The following C1orf167 variants were observed in gnomAD, a reference collection of about 807,000 sequenced individuals.
C1orf167 encodes uncharacterized protein C1orf167.
In C1orf167, 153 loss-of-function variants were observed where a neutral mutation model predicts 176.5. The observed-to-expected ratio is 0.87, with a 90% CI of 0.76 to 0.99. The LOEUF (loss-of-function observed/expected upper bound fraction) is 0.99, where lower values mean the gene tolerates loss of function less well. Ranked by LOEUF, C1orf167 falls within the 50% of genes least tolerant of loss-of-function variation. The pLI, the probability that C1orf167 is intolerant of heterozygous loss-of-function variation, is 0.00. For missense variants in C1orf167, 1,490 were observed against 1,817.7 expected (o/e 0.82, Z 3.28); for synonymous variants, 594 against 752.7 (o/e 0.79, Z 3.45).
chr1:11,766,864 T>C lies in C1orf167; in HGVS notation c.1078T>C (p.Trp360Arg). Reference protein sequence around the residue: ...PLGSGDSCSPWSQDGRAQRGD... With the variant: ...PLGSGDSCSPRSQDGRAQRGD... ...AGGGTCAGGGGACAGCTGCTCCCCC[T>C]GGTCTCAAGATGGCAGGGCACAGAG... The change falls in exon 3 of 21, where the codon TGG becomes CGG. Residue 360 changes from tryptophan to arginine, a missense_variant. By Grantham distance (101) the Trp-to-Arg change is moderately radical. Transcript: ENST00000688073. This position sits in a 1 kb window ranked among gnomAD's most constrained non-coding sequence, Gnocchi z 4.5. 1 of 1,277,216 alleles carries C rather than the reference T, an allele frequency of 7.8e-7. No individual in the cohort carries two copies. Among genetic ancestry groups the C allele is most frequent in the Non-Finnish European group, 1.0e-6 (1 of 981,402 alleles). 79.1% of individuals were successfully genotyped at this position (1,277,216 alleles called of 1,614,324 possible). A position where few individuals can be genotyped will look rare whatever the true frequency, so the allele number is the denominator to read the frequency against.
At chr1:11,789,142 GC>G (rs1309027433) in intron 20 of C1orf167, 127 bp from the exon 21 acceptor site, 1 of 918,610 alleles carries the variant, frequency 1.1e-6, no homozygotes, top group Admixed American at 3.6e-5. Flanking sequence ...AGACTGGCTG[GC>G]TGCTTGGGGC....
rs906088385 is a variant in C1orf167 at position 11,785,216 on chromosome 1, G to A, written c.3494G>A (p.Arg1165Gln). Residue 1165 changes from arginine to glutamine, a missense_variant, in exon 16 of 21, where the codon CGG (arginine) becomes CAG (glutamine). By Grantham distance (43) the Arg-to-Gln change is conservative. Coordinates refer to ENST00000688073, the MANE Select transcript of C1orf167 (RefSeq NM_001010881.2). ...CAGCGAGCCATCCTCACCCAGCTCC[G>A]GCCGGCTGAGCTCAGGCGCTTCCTG... ...GVQRAILTQL[R>Q]PAELRRFLRT... 10 of 1,291,566 alleles carry A rather than the reference G, an allele frequency of 7.7e-6. No homozygotes were observed. Among genetic ancestry groups the A allele is most frequent in the African/African-American group, 3.0e-5 (2 of 65,872 alleles). The allele number at this position is 1,291,566 out of a possible 1,614,324, so 80.0% of individuals were successfully genotyped here. A position where few individuals can be genotyped will look rare whatever the true frequency, so the allele number is the denominator to read the frequency against.
Position 11,784,185 on chromosome 1 carries a change from C to A in C1orf167, c.3017C>A (p.Ala1006Asp). The change falls in exon 15 of 21, where the codon GCC (alanine) becomes GAC (aspartate). Residue 1006 changes from alanine (A) to aspartate (D), a missense_variant. By Grantham distance (126) the Ala-to-Asp change is moderately radical. Coordinates refer to ENST00000688073, the MANE Select transcript of C1orf167 (RefSeq NM_001010881.2). ...TGTCTGTTTTGCAGCTACTTCCAGG[C>A]CTGGTGTGAGGTTGTAAGAGACACG... is the stretch of plus-strand genomic sequence containing the variant. ...EQLLLQSYFQ[A>D]WCEVVRDTGV... 3.2e-6 allele frequency: 4 copies of A among 1,233,814 alleles called. No individual in the cohort carries two copies. The highest frequency in any genetic ancestry group is 4.2e-6 in the Non-Finnish European group (4 of 953,456). 76.4% of individuals were successfully genotyped at this position (1,233,814 alleles called of 1,614,324 possible). A position where few individuals can be genotyped will look rare whatever the true frequency, so the allele number is the denominator to read the frequency against.
At position 11,788,392 on chromosome 1, in the gene C1orf167, C is replaced by T. The variant is rs1300177113; in HGVS notation, c.4078+14C>T. 2 of 1,283,126 alleles carry T rather than the reference C, an allele frequency of 1.6e-6. No homozygotes were observed. Among genetic ancestry groups the T allele is most frequent in the East Asian group, 5.7e-5 (1 of 17,520 alleles). The allele number at this position is 1,283,126 out of a possible 1,614,324, so 79.5% of individuals were successfully genotyped here. On this transcript the variant is annotated intron_variant, in intron 19 of 20. Transcript: ENST00000688073. ...GTGCGGACCCTGGTGAGTGGGTGCA[C>T]CCCTCTCCACACTGACCATCTCCCA...
chr1:11,775,087 C>T (rs1643245946), intron 8 of C1orf167, among the ~76,000 whole-genome samples: 2 of 151,878 alleles, frequency 1.3e-5, no homozygotes, highest in Non-Finnish European at 2.9e-5. Flanking sequence ...GAGTTCAAGA[C>T]CAGCCTGGCC....
intron 13 of C1orf167, among the ~76,000 whole-genome samples, chr1:11,781,761 T>C (rs1643614753): frequency 6.6e-6 from 1 of 151,904 alleles, no homozygotes; most frequent in African/African-American, 2.4e-5. Context: ...ATACACAAAA[T>C]TAGCCAGGCG....
At chr1:11,784,641 G>A in intron 15 of C1orf167, 48 bp downstream of exon 15, 1 of 1,199,766 alleles carries the variant, frequency 8.3e-7, no homozygotes, top group Non-Finnish European at 1.1e-6. Context: ...TTCCAGCTCA[G>A]GCCTCAAGCC....
intron 12 of C1orf167, 136 bp downstream of exon 12, chr1:11,779,216 C>G: frequency 1.2e-6 from 1 of 817,458 alleles, no homozygotes; most frequent in Non-Finnish European, 1.6e-6. Flanking sequence ...CTCCTGTCTT[C>G]CTGCCCCGTC....
chr1:11,779,050 C>G lies in C1orf167; in HGVS notation c.2621C>G (p.Ala874Gly), dbSNP rs766116240. The change falls in exon 12 of 21, where the codon GCC becomes GGC. Residue 874 changes from alanine (A) to glycine (G), a missense_variant. Coordinates refer to ENST00000688073, the MANE Select transcript of C1orf167 (RefSeq NM_001010881.2). Reference sequence around the variant, plus strand: ...CGGGCCCAGCAGTTCCAGGGCACAGCCAGGTGGTACCAGCATACCCGCCAG... The same window carrying G: ...CGGGCCCAGCAGTTCCAGGGCACAGGCAGGTGGTACCAGCATACCCGCCAG... ...QARAQQFQGT[A>G]RWYQHTRQRR... The G allele has an allele frequency of 4.5e-5, 57 of 1,275,042 alleles. No homozygotes were observed. Among genetic ancestry groups the G allele is most frequent in the Non-Finnish European group, 5.5e-5 (54 of 975,362 alleles). The allele number at this position is 1,275,042 out of a possible 1,614,324, so 79.0% of individuals were successfully genotyped here.
In C1orf167 at chr1:11,778,933, G is replaced by A. The variant is rs1052719952; in HGVS notation, c.2504G>A (p.Arg835Lys). Residue 835 changes from arginine (R) to lysine (K), a missense_variant, in exon 12 of 21, where the codon AGG (arginine) becomes AAG (lysine). By Grantham distance (26) the Arg-to-Lys change is conservative. Transcript: ENST00000688073. ...CCACATCTCCTTCCCCAGGTTCCCA[G>A]GGCCCCCACCCTCCCGGACACTCTC... is the stretch of plus-strand genomic sequence containing the variant. ...TLQDSLEKVP[R>K]APTLPDTLQG... 15 of 1,303,056 alleles carry A rather than the reference G, an allele frequency of 1.2e-5. No homozygotes were observed. The highest frequency in any genetic ancestry group is 1.4e-5 in the Non-Finnish European group (14 of 988,206). The allele number at this position is 1,303,056 out of a possible 1,614,324, so 80.7% of individuals were successfully genotyped here.
At position 11,764,152 on chromosome 1, in the gene C1orf167, AG is replaced by A. The variant is rs1642671111; in HGVS notation, c.-70-173del. ...TTTGACCTGGACACTTAATATGGAA[AG>A]GGGGGTGATAAGTAGGGCAGGGAGA... On this transcript the variant is annotated intron_variant, in intron 1 of 20. Coordinates refer to ENST00000688073, the MANE Select transcript of C1orf167 (RefSeq NM_001010881.2). Among the ~76,000 whole-genome samples, 3 of 152,196 alleles carry A rather than the reference AG, an allele frequency of 2.0e-5. 1 individual carries two copies. In the Middle Eastern group the frequency reaches 0.01, roughly 518 times the overall value.
intron 13 of C1orf167, among the ~76,000 whole-genome samples, chr1:11,780,651 T>C (rs1643551247): frequency 6.6e-6 from 1 of 152,206 alleles, no homozygotes; most frequent in South Asian, 2.1e-4. Context: ...TCTTCATCCT[T>C]ATCCTCACCT....
Position 11,784,387 on chromosome 1 carries a change from T to A in C1orf167, c.3219T>A (p.Asp1073Glu). The change falls in exon 15 of 21, where the codon GAT becomes GAA. Residue 1073 changes from aspartate to glutamate, a missense_variant. Asp to Glu is a conservative substitution (Grantham distance 45). Coordinates refer to ENST00000688073, the MANE Select transcript of C1orf167 (RefSeq NM_001010881.2). ...WRSCGQQGQE[D>E]GQQKKARAPQ... ...GCTGCGGGCAGCAAGGCCAGGAAGA[T>A]GGGCAGCAGAAGAAGGCCCGGGCCC... The A allele has an allele frequency of 7.7e-7, 1 of 1,303,970 alleles. No individual in the cohort carries two copies. The highest frequency in any genetic ancestry group is 2.2e-4 in the Middle Eastern group (1 of 4,648). The allele number at this position is 1,303,970 out of a possible 1,614,324, so 80.8% of individuals were successfully genotyped here.
At chr1:11,782,062 A>T in intron 13 of C1orf167, 127 bp from the exon 14 acceptor site, 2 of 841,410 alleles carry the variant, frequency 2.4e-6, no homozygotes, top group Non-Finnish European at 3.1e-6. Flanking sequence ...AGGCTTTTTA[A>T]CCCAGACAGT....
Position 11,789,285 on chromosome 1 carries a change from CA to C in C1orf167, c.4190del (p.His1397ProfsTer58). The C allele has an allele frequency of 7.7e-7, 1 of 1,304,018 alleles. No individual in the cohort carries two copies. Among genetic ancestry groups the C allele is most frequent in the Non-Finnish European group, 1.0e-6 (1 of 988,884 alleles). The allele number at this position is 1,304,018 out of a possible 1,614,324, so 80.8% of individuals were successfully genotyped here. ...AAGRWAFKKW[H>X]QRLAARSPRR... is the part of the protein sequence containing the mutation. ...CTGGTTCCAGGCCTTTAAGAAGTGG[CA>C]CCAACGCCTGGCAGCCAGGAGCCCA... On this transcript the variant is annotated frameshift_variant, in exon 21 of 21. Coordinates refer to ENST00000688073, the MANE Select transcript of C1orf167 (RefSeq NM_001010881.2). LOFTEE classifies it low-confidence loss of function (END_TRUNC).
At chr1:11,783,921 G>A (rs1191905637) in intron 14 of C1orf167, among the ~76,000 whole-genome samples, 2 of 152,232 alleles carry the variant, frequency 1.3e-5, no homozygotes, top group Admixed American at 6.5e-5. Flanking sequence ...GCACTTGCGC[G>A]ATCTCGGCTT....
In C1orf167 at chr1:11,764,440, TC is replaced by T. The variant is rs1466015397; in HGVS notation, c.44del (p.Pro15GlnfsTer22). On this transcript the variant is annotated frameshift_variant, in exon 2 of 21. Transcript: ENST00000688073. LOFTEE classifies it high-confidence loss of function. Reference protein sequence around the residue: ...RSDASHKENVSPKPAALPKPE... With the variant: ...RSDASHKENVXPKPAALPKPE... ...TGATGCCAGCCACAAGGAGAATGTG[TC>T]CCCAAAGCCTGCAGCGCTCCCGAAG... 9 of 1,289,228 alleles carry T rather than the reference TC, an allele frequency of 7.0e-6. No individual in the cohort carries two copies. The highest frequency in any genetic ancestry group is 9.1e-6 in the Non-Finnish European group (9 of 988,860). The allele number at this position is 1,289,228 out of a possible 1,614,324, so 79.9% of individuals were successfully genotyped here. A position where few individuals can be genotyped will look rare whatever the true frequency, so the allele number is the denominator to read the frequency against.
chr1:11,767,325 G>A (rs547570454), intron 4 of C1orf167, 61 bp downstream of exon 4: 116 of 1,235,064 alleles, frequency 9.4e-5, no homozygotes, highest in Middle Eastern at 2.2e-4. Flanking sequence ...TCAGGACTCC[G>A]CTCCCATTTG....
chr1:11,775,586 C>A lies in C1orf167; in HGVS notation c.2140C>A (p.Leu714Met), dbSNP rs1185840733. The A allele has an allele frequency of 8.4e-6, 11 of 1,303,466 alleles. No homozygotes were observed. The highest frequency in any genetic ancestry group is 1.1e-5 in the Non-Finnish European group (11 of 988,616). The allele number at this position is 1,303,466 out of a possible 1,614,324, so 80.7% of individuals were successfully genotyped here. The change falls in exon 9 of 21, where the codon CTG becomes ATG. Residue 714 changes from leucine to methionine, a missense_variant. Physicochemically the swap from Leu to Met is conservative, Grantham distance 15 (BLOSUM62 2). Transcript: ENST00000688073. ...ATCAGATGGGGCAAAGGTGACCCAG[C>A]TGTCCCTCTGCCGGCAGAAAGCAGG... ...RESDGAKVTQ[L>M]SLCRQKAGRE...
Sources: gnomAD v4.1 joint callset for allele counts (sites outside exome capture counted in the v4.1 genomes callset) on GRCh38, gnomAD v4.1.1 for gene constraint, Gnocchi (gnomAD v3.1) non-coding constraint, MANE v1.5 for transcripts, NCBI Gene and HGNC (gene_info 2026-07-23, HGNC 2026-07-21) for gene names.